Variants in DPF3 observed in about 807,000 individuals in gnomAD.
DPF3 encodes the protein zinc finger protein DPF3.
DPF3 carries 18 observed loss-of-function variants against 56.8 expected under a neutral mutation model. That is an observed-to-expected ratio of 0.32 (90% CI 0.22 to 0.47). The LOEUF (loss-of-function observed/expected upper bound fraction) is 0.47. DPF3 is among the 20% of genes least tolerant of loss of function. The pLI is 1.00. For synonymous variants in DPF3, 188 were observed against 180.2 expected (o/e 1.04, Z -0.35); for missense variants, 403 against 488.8 (o/e 0.82, Z 1.65).
intron 1 of DPF3, among the ~76,000 whole-genome samples, chr14:72,859,214 T>C (rs1248036956): frequency 2.0e-5 from 3 of 152,190 alleles, no homozygotes; most frequent in Admixed American, 2.0e-4. Context: ...GGCTCTGAGT[T>C]GCAAGTTGTG....
Position 72,883,850 on chromosome 14 carries a change from G to A in DPF3, c.32+10207C>T, listed in dbSNP as rs752023586. Among the ~76,000 whole-genome samples the A allele has an allele frequency of 2.1e-4, 31 of 150,730 alleles. 1 individual carries two copies. Among genetic ancestry groups the A allele is most frequent in the Non-Finnish European group, 4.0e-4 (27 of 67,786 alleles). Reference sequence around the variant, plus strand: ...GTCTGAAGTACAAGATCACTTGAACGTGGGAGGCAGAGGTTGCAGTGAGCC... The same window carrying A: ...GTCTGAAGTACAAGATCACTTGAACATGGGAGGCAGAGGTTGCAGTGAGCC... On this transcript the variant is annotated intron_variant, in intron 1 of 10. Coordinates refer to ENST00000556509, the MANE Select transcript of DPF3 (RefSeq NM_001280542.3).
At chr14:72,856,550 G>T (rs1885176075) in intron 1 of DPF3, among the ~76,000 whole-genome samples, 2 of 152,120 alleles carry the variant, frequency 1.3e-5, no homozygotes, top group African/African-American at 4.8e-5. Flanking sequence ...AGAATGCATG[G>T]GGGCTAGAAG....
At position 72,727,557 on chromosome 14, in the gene DPF3, C is replaced by T. The variant is rs950984780; in HGVS notation, c.430-3829G>A. Among the ~76,000 whole-genome samples the T allele has an allele frequency of 6.1e-5, 9 of 148,516 alleles. 1 individual carries two copies. Among genetic ancestry groups the T allele is most frequent in the Middle Eastern group, 6.4e-3 (2 of 314 alleles). The stretch of plus-strand genomic sequence containing the variant: ...TACCATTGCACTCCAGCCTGGGTGA[C>T]GAGGCGAGACTCCATCTCAAAAAAA... On this transcript the variant is annotated intron_variant, in intron 4 of 10. Coordinates refer to ENST00000556509, the MANE Select transcript of DPF3 (RefSeq NM_001280542.3).
At chr14:72,794,737 A>C (rs569841857) in intron 1 of DPF3, among the ~76,000 whole-genome samples, 4 of 152,328 alleles carry the variant, frequency 2.6e-5, no homozygotes, top group African/African-American at 9.6e-5. Flanking sequence ...TTTGTAGTTT[A>C]TGAAAACACA....
intron 1 of DPF3, among the ~76,000 whole-genome samples, chr14:72,834,493 T>TAAAAAAAAAAAAAAAAAA (rs1884202221): frequency 2.9e-5 from 1 of 34,122 alleles, no homozygotes. Flanking sequence ...TGAGACTGTC[T>TAAAAAAAAAAAAAAAAAA]CAAAAAAAAA....
chr14:72,839,939 G>A (rs1884478766), intron 1 of DPF3, among the ~76,000 whole-genome samples: 1 of 152,228 alleles, frequency 6.6e-6, no homozygotes, highest in African/African-American at 2.4e-5. Context: ...GACCTGAGAA[G>A]CTGGAGTTCT....
At chr14:72,620,127 C>A (rs1884336176) in intron 9 of DPF3, 143 bp from the exon 10 acceptor site, 3 of 741,984 alleles carry the variant, frequency 4.0e-6, no homozygotes, top group Admixed American at 6.3e-5. Flanking sequence ...TCCTCACTGT[C>A]CCCTGAACAC....
chr14:72,739,043 C>A (rs1178913565), intron 3 of DPF3, among the ~76,000 whole-genome samples: 1 of 151,980 alleles, frequency 6.6e-6, no homozygotes, highest in African/African-American at 2.4e-5. Context: ...AGTTTGAGAC[C>A]AGCCTGGCCT....
chr14:72,739,040 G>A (rs1268048373), intron 3 of DPF3, among the ~76,000 whole-genome samples: 1 of 152,022 alleles, frequency 6.6e-6, no homozygotes, highest in African/African-American at 2.4e-5. Context: ...AGGAGTTTGA[G>A]ACCAGCCTGG....
chr14:72,838,012 C>T (rs375007262), intron 1 of DPF3, among the ~76,000 whole-genome samples: 111 of 152,284 alleles, frequency 7.3e-4, no homozygotes, highest in Non-Finnish European at 1.5e-3. Flanking sequence ...CTTCCACAGG[C>T]GGTGAAAGAA....
chr14:72,743,148 C>T (rs999605296), intron 3 of DPF3, among the ~76,000 whole-genome samples: 1 of 152,150 alleles, frequency 6.6e-6, no homozygotes, highest in African/African-American at 2.4e-5. Flanking sequence ...GAACACTATC[C>T]CTGGCTGCCC....
chr14:72,779,325 G>C (rs1195697905), intron 1 of DPF3, among the ~76,000 whole-genome samples: 2 of 152,176 alleles, frequency 1.3e-5, no homozygotes, highest in African/African-American at 4.8e-5. Flanking sequence ...CCCAGCACCT[G>C]GGACATTGCA....
intron 1 of DPF3, among the ~76,000 whole-genome samples, chr14:72,784,706 CCTAA>C (rs1567231910): frequency 6.6e-6 from 1 of 152,138 alleles, no homozygotes; most frequent in Non-Finnish European, 1.5e-5. Flanking sequence ...CGCCTGTAAT[CCTAA>C]CACTTTGGGA....
At chr14:72,743,417 T>C (rs570554967) in intron 3 of DPF3, among the ~76,000 whole-genome samples, 1 of 152,088 alleles carries the variant, frequency 6.6e-6, no homozygotes, top group African/African-American at 2.4e-5. Flanking sequence ...CCTGGGAAAT[T>C]AGCTTCCTAA....
At chr14:72,827,042 CAA>C (rs59956156) in intron 1 of DPF3, among the ~76,000 whole-genome samples, 82,896 of 137,928 alleles carry the variant, frequency 0.6, 24,685 homozygotes, top group East Asian at 0.87. Flanking sequence ...AACTCCATCT[CAA>C]AAAAAAAAAA....
chr14:72,739,108 C>T (rs1212213068), intron 3 of DPF3, among the ~76,000 whole-genome samples: 4 of 151,740 alleles, frequency 2.6e-5, no homozygotes, highest in South Asian at 2.1e-4. Flanking sequence ...CATGTGGGAT[C>T]GTACGCACCT....
chr14:72,678,561 C>A (rs1263816770), intron 7 of DPF3, among the ~76,000 whole-genome samples: 1 of 152,172 alleles, frequency 6.6e-6, no homozygotes, highest in Admixed American at 6.5e-5. Flanking sequence ...CCTGACCCAG[C>A]CATGAGCAAT....
Position 72,613,999 on chromosome 14 carries a change from A to C in DPF3, c.*5298T>G, listed in dbSNP as rs1883919856. On this transcript the variant is annotated 3_prime_UTR_variant, in exon 11 of 11. Coordinates refer to ENST00000556509, the MANE Select transcript of DPF3 (RefSeq NM_001280542.3). ...CCCCCTGCCCCACTCTCAGCTGTCC[A>C]CTCACAGACCAGAGGGTCTCCAGCC... 6.6e-6 allele frequency among the ~76,000 whole-genome samples: 1 copy of C among 150,838 alleles called. No homozygotes were observed. Among genetic ancestry groups the C allele is most frequent in the Admixed American group, 6.6e-5 (1 of 15,178 alleles).
At chr14:72,858,704 A>G (rs189465385) in intron 1 of DPF3, among the ~76,000 whole-genome samples, 2 of 152,336 alleles carry the variant, frequency 1.3e-5, no homozygotes, top group Admixed American at 1.3e-4. Context: ...GGTCTAAAAT[A>G]CTACTCAGAG....
Sources: gnomAD v4.1 joint callset for allele counts (sites outside exome capture counted in the v4.1 genomes callset) on GRCh38, gnomAD v4.1.1 for gene constraint, MANE v1.5 for transcripts, NCBI Gene and HGNC (gene_info 2026-07-23, HGNC 2026-07-21) for gene names.